The following GABBR2 variants were observed in gnomAD, a reference collection of about 807,000 sequenced individuals.
GABBR2 encodes the protein gamma-aminobutyric acid type B receptor subunit 2.
GABBR2 carries 23 observed loss-of-function variants against 105.6 expected under a neutral mutation model. That is an observed-to-expected ratio of 0.22 (90% CI 0.16 to 0.31). GABBR2 has a LOEUF of 0.31. Ranked by LOEUF, GABBR2 falls within the 10% of genes least tolerant of loss-of-function variation. The pLI is 1.00. For missense variants in GABBR2, 734 were observed against 1,245.5 expected (o/e 0.59, Z 6.18); for synonymous variants, 478 against 499.7 (o/e 0.96, Z 0.58).
intron 1 of GABBR2, among the ~76,000 whole-genome samples, chr9:98,665,198 G>C (rs1830317493): frequency 6.6e-6 from 1 of 152,160 alleles, no homozygotes; most frequent in Admixed American, 6.5e-5. Context: ...GAGCCTGGGA[G>C]GTCCAGGCTG....
At chr9:98,638,270 T>C (rs1829908704) in intron 1 of GABBR2, among the ~76,000 whole-genome samples, 1 of 152,248 alleles carries the variant, frequency 6.6e-6, no homozygotes, top group Admixed American at 6.5e-5. Context: ...GAAATGCCTA[T>C]GGTCCAAGTC....
At position 98,506,977 on chromosome 9, in the gene GABBR2, G is replaced by A. The variant is rs140027504; in HGVS notation, c.631-10463C>T. Among the ~76,000 whole-genome samples, 9 of 152,244 alleles carry A rather than the reference G, an allele frequency of 5.9e-5. No individual in the cohort carries two copies. In the Middle Eastern group the frequency reaches 0.01, roughly 173 times the overall value. On this transcript the variant is annotated intron_variant, in intron 3 of 18. Transcript: ENST00000259455. ...TCTCCCCAGCCCACCACTGCTCCTC[G>A]GAGGCCTGTCTCCCAGAACCACATA...
At chr9:98,363,584 T>C (rs1240697579) in intron 12 of GABBR2, among the ~76,000 whole-genome samples, 2 of 152,172 alleles carry the variant, frequency 1.3e-5, no homozygotes, top group East Asian at 3.9e-4. Context: ...TAAAGTTGTA[T>C]ACATGTCTTC....
chr9:98,338,418 C>G (rs1015261883), intron 13 of GABBR2, among the ~76,000 whole-genome samples: 2 of 152,058 alleles, frequency 1.3e-5, no homozygotes, highest in African/African-American at 4.8e-5. Flanking sequence ...ACTCTTACAA[C>G]TCCACAAAAA....
chr9:98,650,932 G>T (rs143505280), intron 1 of GABBR2, among the ~76,000 whole-genome samples: 9 of 152,284 alleles, frequency 5.9e-5, no homozygotes, highest in African/African-American at 2.2e-4. Flanking sequence ...GGAATGGGGA[G>T]TTGTTTAATG....
intron 12 of GABBR2, among the ~76,000 whole-genome samples, chr9:98,369,499 C>G (rs1234187218): frequency 6.6e-6 from 1 of 152,134 alleles, no homozygotes; most frequent in African/African-American, 2.4e-5. Flanking sequence ...GTTAATGTGT[C>G]CACATTCTAC....
intron 10 of GABBR2, among the ~76,000 whole-genome samples, chr9:98,387,025 T>C (rs772694151): frequency 2.0e-5 from 3 of 152,072 alleles, no homozygotes; most frequent in Admixed American, 6.6e-5. Flanking sequence ...GGTCCTTTTG[T>C]AAACCGTGAA....
Position 98,496,416 on chromosome 9 carries a change from C to T in GABBR2, c.729G>A (p.Leu243=), listed in dbSNP as rs765930350. The T allele has an allele frequency of 1.1e-5, 18 of 1,599,404 alleles. No individual in the cohort carries two copies. The highest frequency in any genetic ancestry group is 1.4e-5 in the Non-Finnish European group (16 of 1,166,894). ...CCCTGTGGCTAGCCACACCTACCTT[C>T]AGCTTTTTGACACTGGTACAGGGAT... ...SNDPCTSVKK[L]KGNDVRIILG... Residue 243 remains leucine (L), a synonymous_variant, in exon 4 of 19, where the codon CTG becomes CTA. Transcript: ENST00000259455.
intron 2 of GABBR2, among the ~76,000 whole-genome samples, chr9:98,565,530 C>T (rs1362607797): frequency 1.3e-5 from 2 of 152,166 alleles, no homozygotes; most frequent in African/African-American, 4.8e-5. Context: ...CCACAAGGAG[C>T]AAGAGATATC....
At chr9:98,378,216 C>T (rs1831911328) in intron 11 of GABBR2, among the ~76,000 whole-genome samples, 1 of 152,138 alleles carries the variant, frequency 6.6e-6, no homozygotes, top group East Asian at 1.9e-4. Flanking sequence ...TAGAAAATCC[C>T]AGTACCTCTA....
At chr9:98,430,150 C>T (rs1486285488) in intron 7 of GABBR2, among the ~76,000 whole-genome samples, 2 of 152,010 alleles carry the variant, frequency 1.3e-5, no homozygotes, top group African/African-American at 4.8e-5. Flanking sequence ...ATTAGCCGGG[C>T]TTGGTGGTGC....
At chr9:98,665,003 G>A (rs1452981087) in intron 1 of GABBR2, among the ~76,000 whole-genome samples, 1 of 151,992 alleles carries the variant, frequency 6.6e-6, no homozygotes, top group Non-Finnish European at 1.5e-5. Flanking sequence ...ATGGTGGCAT[G>A]TACCTGTAGT....
At chr9:98,313,835 G>GTCTT (rs1175003686) in intron 13 of GABBR2, among the ~76,000 whole-genome samples, 1 of 152,112 alleles carries the variant, frequency 6.6e-6, no homozygotes, top group Non-Finnish European at 1.5e-5. Context: ...TAGTTTTTTG[G>GTCTT]TCTTGCTCTC....
intron 13 of GABBR2, among the ~76,000 whole-genome samples, chr9:98,337,600 A>G (rs1831138401): frequency 6.6e-6 from 1 of 152,242 alleles, no homozygotes; most frequent in Non-Finnish European, 1.5e-5. Context: ...AGCTACAATA[A>G]TCAAGTCAGC....
intron 3 of GABBR2, chr9:98,515,987 G>C (rs1456353994): frequency 3.3e-5 from 5 of 152,726 alleles, no homozygotes; most frequent in Non-Finnish European, 4.4e-5. Flanking sequence ...GGTGGCACTG[G>C]CCTGGCCCCT....
chr9:98,556,343 C>T (rs938322914), intron 2 of GABBR2, among the ~76,000 whole-genome samples: 4 of 152,090 alleles, frequency 2.6e-5, no homozygotes, highest in African/African-American at 9.7e-5. Context: ...CCAGGGACAC[C>T]GGGGCTCGAG....
At position 98,299,648 on chromosome 9, in the gene GABBR2, C is replaced by A. The variant is rs7860369; in HGVS notation, c.2413-295G>T. On this transcript the variant is annotated intron_variant, in intron 16 of 18. Transcript: ENST00000259455. ...AGGGAGGAAGGGCAGGGAGAGCATA[C>A]GAGCTAAGGCTCTGGACAGGACTTA... 0.082 allele frequency among the ~76,000 whole-genome samples: 12,472 copies of A among 152,168 alleles called. 1,750 individuals carry two copies. Among genetic ancestry groups the A allele is most frequent in the African/African-American group, 0.28 (11,816 of 41,462 alleles).
At chr9:98,316,658 G>A (rs1489160287) in intron 13 of GABBR2, among the ~76,000 whole-genome samples, 1 of 152,118 alleles carries the variant, frequency 6.6e-6, no homozygotes, top group African/African-American at 2.4e-5. Flanking sequence ...CCCATGAGAG[G>A]CAGCCTCAGA....
At chr9:98,422,472 C>T (rs1473563903) in intron 7 of GABBR2, among the ~76,000 whole-genome samples, 1 of 151,128 alleles carries the variant, frequency 6.6e-6, no homozygotes, top group African/African-American at 2.4e-5. Context: ...CATAAGTGGA[C>T]ATTTAGAAGG....
Sources: gnomAD v4.1 joint callset for allele counts (sites outside exome capture counted in the v4.1 genomes callset) on GRCh38, gnomAD v4.1.1 for gene constraint, MANE v1.5 for transcripts, NCBI Gene and HGNC (gene_info 2026-07-23, HGNC 2026-07-21) for gene names.